SLC38A1: variants seen among roughly 807,000 people sequenced by gnomAD.
The protein encoded by SLC38A1 is sodium-coupled neutral amino acid symporter 1.
Under a neutral mutation model 60.3 loss-of-function variants are expected in SLC38A1, and 18 were observed. That is an observed-to-expected ratio of 0.30 (90% confidence interval 0.21 to 0.44). The LOEUF is 0.44. Ranked by LOEUF, SLC38A1 falls within the 20% of genes least tolerant of loss-of-function variation. The pLI, the probability that SLC38A1 is intolerant of heterozygous loss-of-function variation, is 1.00. For missense variants in SLC38A1, 448 were observed against 587.2 expected, an observed-to-expected ratio of 0.76 and a Z score of 2.45; for synonymous variants, 196 against 212.1, an observed-to-expected ratio of 0.92 and a Z score of 0.66.
chr12:46,239,500 T>G, intron 3 of SLC38A1, 179 bp downstream of exon 3: 1 of 529,696 alleles, frequency 1.9e-6, no homozygotes, highest in Non-Finnish European at 3.3e-6. Context: ...ATTTTTTGTA[T>G]TTTTAGTAGA....
At chr12:46,218,814 T>C (rs1940529281) in intron 5 of SLC38A1, among the ~76,000 whole-genome samples, 1 of 151,538 alleles carries the variant, frequency 6.6e-6, no homozygotes, top group African/African-American at 2.4e-5. Context: ...GATGATTGGT[T>C]AAGTTGGATA....
intron 5 of SLC38A1, among the ~76,000 whole-genome samples, chr12:46,214,834 C>T (rs1294133495): frequency 6.6e-6 from 1 of 152,162 alleles, no homozygotes; most frequent in Non-Finnish European, 1.5e-5. Flanking sequence ...GTAAAGCAGC[C>T]GTCACTGCAT....
chr12:46,198,767 G>T, intron 13 of SLC38A1, 24 bp from the exon 14 acceptor site: 1 of 1,447,196 alleles, frequency 6.9e-7, no homozygotes, highest in Non-Finnish European at 9.6e-7. Flanking sequence ...AAAGCAAGAG[G>T]GTTTTAAAAG....
intron 1 of SLC38A1, among the ~76,000 whole-genome samples, chr12:46,256,888 C>T (rs371819106): frequency 7.9e-5 from 12 of 152,172 alleles, no homozygotes; most frequent in African/African-American, 2.9e-4. Flanking sequence ...CTCAAACTTG[C>T]CCCCATCATT....
intron 3 of SLC38A1, among the ~76,000 whole-genome samples, chr12:46,233,101 C>G (rs972745233): frequency 1.3e-5 from 2 of 152,144 alleles, no homozygotes; most frequent in Non-Finnish European, 2.9e-5. Flanking sequence ...TCACTGTAAC[C>G]TGGAGCTCCT....
At chr12:46,256,965 T>C (rs1183342718) in intron 1 of SLC38A1, among the ~76,000 whole-genome samples, 2 of 151,846 alleles carry the variant, frequency 1.3e-5, no homozygotes, top group Non-Finnish European at 1.5e-5. Context: ...CCCTGAGTAA[T>C]AGAAAAGATA....
intron 9 of SLC38A1, 75 bp from the exon 10 acceptor site, chr12:46,204,665 CTG>C (rs2137135763): frequency 2.7e-6 from 3 of 1,117,378 alleles, no homozygotes; most frequent in Admixed American, 2.3e-5. Context: ...CCATCATAAA[CTG>C]TTATTATTTC....
chr12:46,197,384 C>A (rs948772095), intron 16 of SLC38A1: 1 of 178,582 alleles, frequency 5.6e-6, no homozygotes, highest in Non-Finnish European at 1.2e-5. Context: ...TGGTGGCGGG[C>A]GCCTGTAGTC....
intron 5 of SLC38A1, among the ~76,000 whole-genome samples, chr12:46,211,618 C>T (rs1295656386): frequency 6.6e-6 from 1 of 152,116 alleles, no homozygotes; most frequent in Non-Finnish European, 1.5e-5. Context: ...GCCCTTTGAG[C>T]ATCATAAACT....
At chr12:46,262,759 T>A (rs1320778032) in intron 1 of SLC38A1, among the ~76,000 whole-genome samples, 1 of 152,140 alleles carries the variant, frequency 6.6e-6, no homozygotes, top group Non-Finnish European at 1.5e-5. Context: ...AGAGGATCAT[T>A]TATAAAAAGA....
intron 14 of SLC38A1, 68 bp downstream of exon 14, chr12:46,198,557 G>T: frequency 1.9e-6 from 2 of 1,055,342 alleles, no homozygotes; most frequent in Non-Finnish European, 2.8e-6. Context: ...CTCTGCAACG[G>T]GCTCCTGCAG....
rs192231047 is a variant in SLC38A1, at chr12:46,213,619, C to T, written c.315-4492G>A. Among the ~76,000 whole-genome samples, 443 of 152,282 alleles carry T rather than the reference C, an allele frequency of 2.9e-3. 3 individuals carry two copies. Among genetic ancestry groups the T allele is most frequent in the African/African-American group, 0.01 (416 of 41,546 alleles). ...TATATCTAGTTCATTGGCAAGTGCC[C>T]TATCATTTCTATCTCCAAAATTTAT... On this transcript the variant is annotated intron_variant, in intron 5 of 16. Coordinates refer to ENST00000398637, the MANE Select transcript of SLC38A1 (RefSeq NM_030674.4).
intron 12 of SLC38A1, among the ~76,000 whole-genome samples, chr12:46,202,050 G>A (rs1445801757): frequency 6.6e-6 from 1 of 151,594 alleles, no homozygotes; most frequent in Non-Finnish European, 1.5e-5. Context: ...AAAGTTAGCT[G>A]GGCATGGGGC....
At chr12:46,208,995 T>A (rs115809635) in intron 6 of SLC38A1, 59 bp downstream of exon 6, 22,267 of 1,180,914 alleles carry the variant, frequency 0.019, 295 homozygotes, top group Middle Eastern at 0.045. Context: ...TGTTCCACAA[T>A]GCTACCATAA....
intron 16 of SLC38A1, among the ~76,000 whole-genome samples, chr12:46,192,143 G>C (rs1486374592): frequency 6.6e-6 from 1 of 152,196 alleles, no homozygotes; most frequent in Admixed American, 6.5e-5. Flanking sequence ...TTAGCATGAA[G>C]CACTGTTGAA....
rs1938913140 is a variant in SLC38A1 at position 46,185,672 on chromosome 12, A to G, written c.*3298T>C. 1 of 151,830 alleles carries G rather than the reference A, an allele frequency of 6.6e-6. No homozygotes were observed. Among genetic ancestry groups the G allele is most frequent in the Non-Finnish European group, 1.5e-5 (1 of 68,036 alleles). The allele number at this position is 151,830 out of a possible 1,614,324, so 9.4% of individuals were successfully genotyped here. A position where few individuals can be genotyped will look rare whatever the true frequency, so the allele number is the denominator to read the frequency against. ...AACCATAGGAGCCAAAAGTCAGACA[A>G]ACAGAAGAAGGCACACCAAGCCTGA... On this transcript the variant is annotated 3_prime_UTR_variant, in exon 17 of 17. Coordinates refer to ENST00000398637, the MANE Select transcript of SLC38A1 (RefSeq NM_030674.4).
intron 5 of SLC38A1, among the ~76,000 whole-genome samples, chr12:46,225,803 A>C (rs1014536329): frequency 1.3e-5 from 2 of 152,336 alleles, no homozygotes; most frequent in Non-Finnish European, 2.9e-5. Flanking sequence ...AAAGACCCCA[A>C]AACAAACAAA....
rs749683862 is a variant in SLC38A1, at chr12:46,193,926, CATTT to C, written c.1362+3790_1362+3793del. Reference sequence around the variant, plus strand: ...TGTCTTTTAATTGGGGCATTTAGCCCATTTACATTTGAGGTTAATATTGTTATGT... The same window carrying C: ...TGTCTTTTAATTGGGGCATTTAGCCCACATTTGAGGTTAATATTGTTATGT... On this transcript the variant is annotated intron_variant, in intron 16 of 16. Coordinates refer to ENST00000398637, the MANE Select transcript of SLC38A1 (RefSeq NM_030674.4). Among the ~76,000 whole-genome samples, 7 of 152,176 alleles carry C rather than the reference CATTT, an allele frequency of 4.6e-5. No individual in the cohort carries two copies. In the Middle Eastern group the frequency reaches 0.01, roughly 222 times the overall value.
chr12:46,217,400 G>T (rs1940461036), intron 5 of SLC38A1, among the ~76,000 whole-genome samples: 1 of 152,214 alleles, frequency 6.6e-6, no homozygotes, highest in Non-Finnish European at 1.5e-5. Context: ...AATGGAGCTT[G>T]TCTAAGGTGA....
Sources: gnomAD v4.1 joint callset for allele counts (sites outside exome capture counted in the v4.1 genomes callset) on GRCh38, gnomAD v4.1.1 for gene constraint, MANE v1.5 for transcripts, NCBI Gene and HGNC (gene_info 2026-07-23, HGNC 2026-07-21) for gene names.